RFX4: variants seen among roughly 807,000 people sequenced by gnomAD.
The protein encoded by RFX4 is transcription factor RFX4.
A neutral mutation model predicts 95.0 loss-of-function variants in RFX4; 10 were observed. The observed-to-expected ratio is 0.11, with a 90% confidence interval of 0.06 to 0.18. The LOEUF (loss-of-function observed/expected upper bound fraction) is 0.18. Among genes scored for constraint, RFX4 ranks in the 10% least tolerant of loss-of-function variants. The probability of loss-of-function intolerance (pLI) is 1.00; values close to 1 mark genes in which losing one functional copy is unlikely to be tolerated. For missense variants in RFX4, 640 were observed against 922.0 expected, an observed-to-expected ratio of 0.69 and a Z score of 3.96; for synonymous variants, 321 against 340.7, an observed-to-expected ratio of 0.94 and a Z score of 0.64.
At chr12:106,639,516 T>C in intron 3 of RFX4, 124 bp downstream of exon 3, 1 of 873,090 alleles carries the variant, frequency 1.1e-6, no homozygotes, top group Admixed American at 2.5e-5. Context: ...CAACATGAAA[T>C]CTATTTAATT....
chr12:106,635,589 AG>A (rs1404912991), intron 2 of RFX4, among the ~76,000 whole-genome samples: 1 of 152,182 alleles, frequency 6.6e-6, no homozygotes, highest in African/African-American at 2.4e-5. Context: ...CTAGGATTAC[AG>A]GGGTGAGCTA....
rs2043023669 is a variant in RFX4 at position 106,752,368 on chromosome 12, G to A, written c.1935+1575G>A. 1.3e-5 allele frequency among the ~76,000 whole-genome samples: 2 copies of A among 152,210 alleles called. 1 individual carries two copies. Among genetic ancestry groups the A allele is most frequent in the East Asian group, 3.9e-4 (2 of 5,180 alleles). ...CAGTCTTTTCATCAGTGTCATTTCT[G>A]GCCTCCAATGGCTGGCCCACAGTGG... is the stretch of plus-strand genomic sequence containing the variant. On this transcript the variant is annotated intron_variant, in intron 17 of 17. Transcript: ENST00000392842.
intron 4 of RFX4, among the ~76,000 whole-genome samples, chr12:106,680,369 C>A (rs934214815): frequency 1.3e-5 from 2 of 152,140 alleles, no homozygotes; most frequent in African/African-American, 4.8e-5. Context: ...CAACACCTAG[C>A]CCTCCAATTA....
intron 3 of RFX4, among the ~76,000 whole-genome samples, chr12:106,646,971 A>T (rs2040760315): frequency 1.3e-5 from 2 of 152,010 alleles, no homozygotes; most frequent in South Asian, 4.1e-4. Flanking sequence ...AATGAAATAG[A>T]TTGTTTTTTT....
chr12:106,614,801 G>T (rs1022755616), intron 2 of RFX4, among the ~76,000 whole-genome samples: 5 of 152,088 alleles, frequency 3.3e-5, no homozygotes, highest in African/African-American at 7.2e-5. Flanking sequence ...GAGCCACCAC[G>T]CCTGGCCGCC....
At position 106,687,010 on chromosome 12, in the gene RFX4, T is replaced by C; in HGVS notation, c.504T>C (p.Tyr168=). 2 of 1,613,994 alleles carry C rather than the reference T, an allele frequency of 1.2e-6. No individual in the cohort carries two copies. The highest frequency in any genetic ancestry group is 1.7e-6 in the Non-Finnish European group (2 of 1,179,994). Residue 168 remains tyrosine (Y), a synonymous_variant, in exon 6 of 18, where the codon TAT becomes TAC. Coordinates refer to ENST00000392842, the MANE Select transcript of RFX4 (RefSeq NM_213594.3). ...KKEVSKQTVA[Y]SPRSKLGTLL... is the part of the protein sequence containing the mutation. Reference sequence around the variant, plus strand: ...AAGTGAGCAAACAGACAGTGGCATATTCACCCCGGTCCAAACTCGGAACAC... The same window carrying C: ...AAGTGAGCAAACAGACAGTGGCATACTCACCCCGGTCCAAACTCGGAACAC...
Position 106,747,480 on chromosome 12 carries a change from G to C in RFX4, c.1677G>C (p.Thr559=). 6.2e-7 allele frequency: 1 copy of C among 1,614,178 alleles called. No individual in the cohort carries two copies. Among genetic ancestry groups the C allele is most frequent in the Non-Finnish European group, 8.5e-7 (1 of 1,180,010 alleles). ...SYTWSLTYTV[T]TAAGSPAENS... ...CGTGGTCTCTAACATACACAGTGACGACGGCTGCTGGGTCCCCAGCTGAGA... is the reference window on the plus strand; with the variant it reads ...CGTGGTCTCTAACATACACAGTGACCACGGCTGCTGGGTCCCCAGCTGAGA... The change falls in exon 16 of 18, where the codon ACG becomes ACC. Residue 559 remains threonine (T), a synonymous_variant. Coordinates refer to ENST00000392842, the MANE Select transcript of RFX4 (RefSeq NM_213594.3).
chr12:106,595,579 G>A (rs972302167), intron 1 of RFX4, among the ~76,000 whole-genome samples: 2 of 152,216 alleles, frequency 1.3e-5, no homozygotes, highest in Middle Eastern at 3.4e-3. Flanking sequence ...GTTCAACCTG[G>A]CACCACCACT....
chr12:106,608,738 T>C, intron 1 of RFX4, 59 bp from the exon 2 acceptor site: 1 of 1,468,794 alleles, frequency 6.8e-7, no homozygotes, highest in Non-Finnish European at 9.2e-7. Context: ...CCCACAGCAA[T>C]TCTGTGATTT....
At chr12:106,664,418 A>G (rs1204219210) in intron 4 of RFX4, among the ~76,000 whole-genome samples, 1 of 151,730 alleles carries the variant, frequency 6.6e-6, no homozygotes, top group African/African-American at 2.4e-5. Context: ...TTCAATACTA[A>G]TATTACTAAT....
intron 1 of RFX4, among the ~76,000 whole-genome samples, chr12:106,606,391 A>T (rs1438037924): frequency 6.6e-6 from 1 of 152,206 alleles, no homozygotes; most frequent in Non-Finnish European, 1.5e-5. Context: ...AAACTTTAGC[A>T]GATGCCATCT....
intron 2 of RFX4, among the ~76,000 whole-genome samples, chr12:106,613,755 T>C (rs2040012095): frequency 1.3e-5 from 2 of 152,242 alleles, no homozygotes; most frequent in Admixed American, 6.5e-5. Context: ...GCTGGCCTCA[T>C]AGAATAAATT....
intron 4 of RFX4, among the ~76,000 whole-genome samples, chr12:106,677,500 C>T (rs2041416795): frequency 6.6e-6 from 1 of 152,072 alleles, no homozygotes; most frequent in African/African-American, 2.4e-5. Flanking sequence ...AAGAAGACAT[C>T]CAGCATTTTC....
chr12:106,672,568 C>T (rs1188498605), intron 4 of RFX4, among the ~76,000 whole-genome samples: 1 of 152,212 alleles, frequency 6.6e-6, no homozygotes, highest in Non-Finnish European at 1.5e-5. Flanking sequence ...ACTTTCACAG[C>T]TCCACAAAAG....
chr12:106,628,707 C>T (rs1400694192), intron 2 of RFX4, among the ~76,000 whole-genome samples: 2 of 151,894 alleles, frequency 1.3e-5, no homozygotes, highest in Admixed American at 6.6e-5. Flanking sequence ...ACTTTTGTTA[C>T]TTACACGTTC....
chr12:106,655,348 G>A (rs1200836059), intron 4 of RFX4, among the ~76,000 whole-genome samples: 1 of 150,492 alleles, frequency 6.6e-6, no homozygotes, highest in East Asian at 1.9e-4. Flanking sequence ...TGAAAGGGAT[G>A]TTTTTTTAAA....
chr12:106,663,537 G>T (rs1450888850), intron 4 of RFX4, among the ~76,000 whole-genome samples: 1 of 151,704 alleles, frequency 6.6e-6, no homozygotes, highest in Admixed American at 6.6e-5. Flanking sequence ...CAATCTACAT[G>T]CATTTTATTT....
At chr12:106,721,518 G>C (rs761264343) in intron 13 of RFX4, among the ~76,000 whole-genome samples, 1 of 152,144 alleles carries the variant, frequency 6.6e-6, no homozygotes, top group Non-Finnish European at 1.5e-5. Flanking sequence ...CCTGATTACT[G>C]AATCGGGGTG....
rs530843666 is a variant in RFX4, at chr12:106,754,071, G to A, written c.1935+3278G>A. Among the ~76,000 whole-genome samples the A allele has an allele frequency of 8.5e-5, 13 of 152,282 alleles. No individual in the cohort carries two copies. In the South Asian group the frequency reaches 2.5e-3, roughly 29 times the overall value. ...CTTGTCTCTGAGGGAGGACACCAAG[G>A]AGAACGTATCCACAACACATGGGCA... is the stretch of plus-strand genomic sequence containing the variant. On this transcript the variant is annotated intron_variant, in intron 17 of 17. Coordinates refer to ENST00000392842, the MANE Select transcript of RFX4 (RefSeq NM_213594.3).
Sources: allele counts gnomAD v4.1 joint callset (sites outside exome capture counted in the v4.1 genomes callset), GRCh38; gene constraint gnomAD v4.1.1; transcripts MANE v1.5; gene names NCBI Gene and HGNC (gene_info 2026-07-23, HGNC 2026-07-21).